MACROD2: variants seen among roughly 807,000 people sequenced by gnomAD.
MACROD2 encodes the protein ADP-ribose glycohydrolase MACROD2.
Under a neutral mutation model 70.4 loss-of-function variants are expected in MACROD2, and 36 were observed. The ratio of observed to expected loss-of-function variants is 0.51; its 90% confidence interval spans 0.39 to 0.68. The LOEUF is 0.68. Among genes scored for constraint, MACROD2 ranks in the 30% least tolerant of loss-of-function variants. The pLI, the probability that MACROD2 is intolerant of heterozygous loss-of-function variation, is 0.00. For synonymous variants in MACROD2, 172 were observed against 178.8 expected (o/e 0.96, Z 0.30); for missense variants, 496 against 538.4 (o/e 0.92, Z 0.78).
chr20:14,954,231 A>G (rs552532838), intron 5 of MACROD2, among the ~76,000 whole-genome samples: 1 of 152,080 alleles, frequency 6.6e-6, no homozygotes, highest in South Asian at 2.1e-4. Flanking sequence ...TGGAATTCAC[A>G]GAGTGGTTGT....
At chr20:15,338,270 T>A (rs2146202586) in intron 6 of MACROD2, among the ~76,000 whole-genome samples, 1 of 151,712 alleles carries the variant, frequency 6.6e-6, no homozygotes, top group African/African-American at 2.4e-5. Flanking sequence ...TTATTTTTTA[T>A]TCATCCAAAT....
rs146474230 is a variant in MACROD2 at position 15,541,009 on chromosome 20, A to G, written c.645+41162A>G. Among the ~76,000 whole-genome samples, 348 of 152,306 alleles carry G rather than the reference A, an allele frequency of 2.3e-3. 4 individuals carry two copies. The highest frequency in any genetic ancestry group is 7.9e-3 in the African/African-American group (327 of 41,574). ...AGACCCTATTTGCAAATCAGGTCAC[A>G]TTCTGAGGTACTGTGGTTTAGGTCT... On this transcript the variant is annotated intron_variant, in intron 8 of 17. Coordinates refer to ENST00000684519, the MANE Select transcript of MACROD2 (RefSeq NM_001351661.2).
chr20:14,500,392 C>T (rs928527866), intron 4 of MACROD2, among the ~76,000 whole-genome samples: 4 of 152,244 alleles, frequency 2.6e-5, no homozygotes, highest in Non-Finnish European at 5.9e-5. Flanking sequence ...ACCTGCTTCT[C>T]AGTCTAGGGA....
intron 5 of MACROD2, among the ~76,000 whole-genome samples, chr20:14,796,050 A>T (rs1349051908): frequency 6.6e-6 from 1 of 152,102 alleles, no homozygotes; most frequent in East Asian, 1.9e-4. Context: ...TTATGAGCCT[A>T]TATATATTCA....
At chr20:14,447,828 A>G (rs1263857430) in intron 3 of MACROD2, among the ~76,000 whole-genome samples, 1 of 151,842 alleles carries the variant, frequency 6.6e-6, no homozygotes, top group East Asian at 1.9e-4. Context: ...GAGACCGCAG[A>G]GCAACTTCAG....
At chr20:15,887,259 A>G (rs1258967408) in intron 10 of MACROD2, among the ~76,000 whole-genome samples, 1 of 152,100 alleles carries the variant, frequency 6.6e-6, no homozygotes, top group Admixed American at 6.6e-5. Context: ...TTCTTCATAA[A>G]AGTTCATTGG....
chr20:15,926,248 C>T (rs2065487591), intron 10 of MACROD2, among the ~76,000 whole-genome samples: 1 of 152,172 alleles, frequency 6.6e-6, no homozygotes, highest in Non-Finnish European at 1.5e-5. Flanking sequence ...CCTCATGCTT[C>T]ATAAGTAACT....
At chr20:15,397,182 A>G (rs1185124002) in intron 6 of MACROD2, among the ~76,000 whole-genome samples, 1 of 152,232 alleles carries the variant, frequency 6.6e-6, no homozygotes, top group African/African-American at 2.4e-5. Flanking sequence ...CTATTGTTCA[A>G]TTAAAAGTAG....
At chr20:14,242,603 G>T (rs911106417) in intron 3 of MACROD2, among the ~76,000 whole-genome samples, 1 of 151,978 alleles carries the variant, frequency 6.6e-6, no homozygotes, top group African/African-American at 2.4e-5. Flanking sequence ...TAACATTTAG[G>T]TGTTAATTAC....
chr20:14,714,357 C>T (rs1006657404), intron 5 of MACROD2, among the ~76,000 whole-genome samples: 1 of 152,084 alleles, frequency 6.6e-6, no homozygotes, highest in Admixed American at 6.6e-5. Context: ...CACAGTAGCC[C>T]CCAACTCATC....
chr20:15,962,624 G>A (rs529397495), intron 12 of MACROD2, among the ~76,000 whole-genome samples: 2 of 152,318 alleles, frequency 1.3e-5, no homozygotes, highest in African/African-American at 4.8e-5. Context: ...AGCACACAGG[G>A]TGATGATCCC....
intron 2 of MACROD2, among the ~76,000 whole-genome samples, chr20:14,054,599 G>A (rs2053612011): frequency 1.3e-5 from 2 of 152,118 alleles, no homozygotes; most frequent in African/African-American, 4.8e-5. Context: ...AAGTGGCCAG[G>A]GAGGGAGCCA....
rs1008246794 is a variant in MACROD2, at chr20:15,710,072, A to G, written c.646-152673A>G. 1.1e-4 allele frequency among the ~76,000 whole-genome samples: 17 copies of G among 152,278 alleles called. No individual in the cohort carries two copies. The East Asian group carries it at 2.1e-3, about 19-fold the overall frequency. ...CGTACGACACTTCTCAAAAGAAGACATACAGAAATGGTCAAGAAATATATT... is the reference window on the plus strand; with the variant it reads ...CGTACGACACTTCTCAAAAGAAGACGTACAGAAATGGTCAAGAAATATATT... On this transcript the variant is annotated intron_variant, in intron 8 of 17. Coordinates refer to ENST00000684519, the MANE Select transcript of MACROD2 (RefSeq NM_001351661.2).
chr20:15,340,538 G>A (rs1254457085), intron 6 of MACROD2, among the ~76,000 whole-genome samples: 1 of 152,090 alleles, frequency 6.6e-6, no homozygotes, highest in Non-Finnish European at 1.5e-5. Context: ...TGGATCCAGA[G>A]CCCTGCAAGA....
At chr20:14,456,714 T>C (rs964630979) in intron 3 of MACROD2, among the ~76,000 whole-genome samples, 3 of 22,130 alleles carry the variant, frequency 1.4e-4, no homozygotes, top group African/African-American at 2.5e-4. Context: ...ACTCAGGATC[T>C]TTTTTTTTTT....
intron 5 of MACROD2, among the ~76,000 whole-genome samples, chr20:15,109,114 G>A (rs939879302): frequency 6.6e-6 from 1 of 152,164 alleles, no homozygotes; most frequent in Non-Finnish European, 1.5e-5. Flanking sequence ...TGCTTCAACA[G>A]AGTTGAGTGG....
At chr20:14,126,019 G>A (rs1436309039) in intron 3 of MACROD2, among the ~76,000 whole-genome samples, 2 of 152,154 alleles carry the variant, frequency 1.3e-5, no homozygotes, top group Non-Finnish European at 2.9e-5. Flanking sequence ...CCTTCAGGGT[G>A]TCAGGATTGT....
intron 8 of MACROD2, among the ~76,000 whole-genome samples, chr20:15,549,105 AGTT>A (rs1319116654): frequency 1.3e-5 from 2 of 152,250 alleles, no homozygotes; most frequent in East Asian, 1.9e-4. Context: ...ATAGTAAGAT[AGTT>A]GTTGTAACTG....
intron 5 of MACROD2, among the ~76,000 whole-genome samples, chr20:14,994,830 C>G (rs2122880040): frequency 1.3e-5 from 2 of 152,180 alleles, no homozygotes; most frequent in South Asian, 4.2e-4. Flanking sequence ...ACATAATGTT[C>G]CATTATGACT....
Sources: allele counts gnomAD v4.1 joint callset (sites outside exome capture counted in the v4.1 genomes callset), GRCh38; gene constraint gnomAD v4.1.1; transcripts MANE v1.5; gene names NCBI Gene and HGNC (gene_info 2026-07-23, HGNC 2026-07-21).